Variants in HEMK2 observed in about 807,000 individuals in gnomAD.
HEMK2 encodes the protein methyltransferase HEMK2.
the HEMK2 span, among the ~76,000 whole-genome samples, chr21:28,713,772 A>G: frequency 2.0e-5 from 3 of 152,162 alleles, no homozygotes; most frequent in African/African-American, 7.2e-5. Context: ...TAGACCATGA[A>G]CTCTGTGAAG....
chr21:28,722,710 C>T, the HEMK2 span, among the ~76,000 whole-genome samples: 7 of 151,978 alleles, frequency 4.6e-5, no homozygotes, highest in Non-Finnish European at 7.4e-5. Flanking sequence ...GGAGAAACCC[C>T]GTCTCTACCA....
chr21:28,782,870 A>G, the HEMK2 span, among the ~76,000 whole-genome samples: 1 of 152,232 alleles, frequency 6.6e-6, no homozygotes, highest in African/African-American at 2.4e-5. Context: ...CTCAGTGGTT[A>G]TATCTCAATA....
the HEMK2 span, among the ~76,000 whole-genome samples, chr21:28,619,623 C>CTT: frequency 2.0e-5 from 3 of 152,290 alleles, no homozygotes; most frequent in South Asian, 6.2e-4. Flanking sequence ...TTCTGCTCTT[C>CTT]TTTAACATAC....
At chr21:28,743,078 C>G in the HEMK2 span, 7 of 152,282 alleles carry the variant, frequency 4.6e-5, no homozygotes, top group African/African-American at 1.7e-4. Flanking sequence ...CACACAAACA[C>G]AGTCACTATT....
At chr21:28,668,549 G>A in the HEMK2 span, among the ~76,000 whole-genome samples, 2 of 152,178 alleles carry the variant, frequency 1.3e-5, no homozygotes, top group Non-Finnish European at 2.9e-5. Flanking sequence ...ACAGGAAGTA[G>A]GTCACTTCTG....
the HEMK2 span, among the ~76,000 whole-genome samples, chr21:28,800,164 C>T: frequency 1.7e-4 from 26 of 152,212 alleles, no homozygotes; most frequent in Non-Finnish European, 3.4e-4. Context: ...GTCACCATGA[C>T]TGAGTTATCT....
the HEMK2 span, among the ~76,000 whole-genome samples, chr21:28,630,650 A>T: frequency 6.6e-6 from 1 of 150,738 alleles, no homozygotes; most frequent in Non-Finnish European, 1.5e-5. Context: ...GAAACTGGAA[A>T]CCATCATTCT....
chr21:28,868,676 C>T, the HEMK2 span, among the ~76,000 whole-genome samples: 2 of 152,230 alleles, frequency 1.3e-5, no homozygotes, highest in Admixed American at 6.5e-5. Flanking sequence ...AGAGCAAGAC[C>T]TTGTCTCAAA....
At chr21:28,686,259 C>T in the HEMK2 span, among the ~76,000 whole-genome samples, 1 of 151,756 alleles carries the variant, frequency 6.6e-6, no homozygotes, top group Non-Finnish European at 1.5e-5. Flanking sequence ...TTTGAGATGG[C>T]GTTGTGCTCT....
the HEMK2 span, among the ~76,000 whole-genome samples, chr21:28,691,066 C>T: frequency 6.6e-6 from 1 of 152,122 alleles, no homozygotes. Context: ...TTAGGAGGCA[C>T]AGAAGGTCTG....
the HEMK2 span, among the ~76,000 whole-genome samples, chr21:28,588,166 G>A: frequency 6.6e-6 from 1 of 152,166 alleles, no homozygotes; most frequent in Non-Finnish European, 1.5e-5. Context: ...TTCACACATT[G>A]TAAAAAGAGA....
chr21:28,868,769 A>C, the HEMK2 span, among the ~76,000 whole-genome samples: 2 of 152,344 alleles, frequency 1.3e-5, no homozygotes, highest in South Asian at 4.1e-4. Context: ...TATCATTTTT[A>C]GTCGTATTAT....
At chr21:28,684,449 C>T in the HEMK2 span, among the ~76,000 whole-genome samples, 1 of 152,158 alleles carries the variant, frequency 6.6e-6, no homozygotes, top group East Asian at 1.9e-4. Context: ...CTTTATGACA[C>T]CTAATTTCGA....
At chr21:28,850,743 G>T in the HEMK2 span, among the ~76,000 whole-genome samples, 2 of 152,126 alleles carry the variant, frequency 1.3e-5, no homozygotes, top group Non-Finnish European at 2.9e-5. Context: ...GTTAGTCAGG[G>T]TTCTCTAGAG....
At chr21:28,626,568 G>T in the HEMK2 span, 1 of 152,156 alleles carries the variant, frequency 6.6e-6, no homozygotes, top group African/African-American at 2.4e-5. Flanking sequence ...AGACACGCCA[G>T]ACACAGTGGC....
the HEMK2 span, among the ~76,000 whole-genome samples, chr21:28,788,021 T>C: frequency 1.2e-4 from 18 of 152,068 alleles, no homozygotes; most frequent in East Asian, 3.5e-3. Flanking sequence ...ATGTATACTA[T>C]TTCAAACTAG....
the HEMK2 span, among the ~76,000 whole-genome samples, chr21:28,753,376 T>G: frequency 7.0e-5 from 10 of 142,684 alleles, no homozygotes; most frequent in African/African-American, 2.3e-4. Context: ...AAAAAAAAAG[T>G]AGAAGGTAAC....
the HEMK2 span, among the ~76,000 whole-genome samples, chr21:28,808,570 C>G: frequency 0.11 from 16,917 of 151,920 alleles, 2,349 homozygotes; most frequent in African/African-American, 0.32. Flanking sequence ...CTTGGCATTG[C>G]TTTGTGGTTT....
chr21:28,737,227 C>G, the HEMK2 span, among the ~76,000 whole-genome samples: 1 of 152,160 alleles, frequency 6.6e-6, no homozygotes, highest in African/African-American at 2.4e-5. Context: ...AGAGTTTAAG[C>G]GATTCTTGGG....
Sources: gnomAD v4.1 joint callset for allele counts (sites outside exome capture counted in the v4.1 genomes callset) on GRCh38, gnomAD v4.1.1 for gene constraint, MANE v1.5 for transcripts, NCBI Gene and HGNC (gene_info 2026-07-23, HGNC 2026-07-21) for gene names.